DDX60L: variants seen among roughly 807,000 people sequenced by gnomAD.
The protein encoded by DDX60L is probable ATP-dependent RNA helicase DDX60-like.
A neutral mutation model predicts 211.6 loss-of-function variants in DDX60L; 191 were observed. The ratio of observed to expected loss-of-function variants is 0.90; its 90% CI spans 0.80 to 1.02. DDX60L has a LOEUF of 1.02. Among genes scored for constraint, DDX60L ranks in the 50% least tolerant of loss-of-function variants. DDX60L has a pLI of 0.00. For synonymous variants in DDX60L, 706 were observed against 694.1 expected (o/e 1.02, Z -0.27); for missense variants, 2,007 against 1,984.1 (o/e 1.01, Z -0.22).
chr4:168,448,276 A>G (rs1398388058), intron 9 of DDX60L, among the ~76,000 whole-genome samples: 1 of 152,200 alleles, frequency 6.6e-6, no homozygotes, highest in Non-Finnish European at 1.5e-5. Context: ...GAAGGCAAAA[A>G]TTATGTATGT....
In DDX60L at chr4:168,419,348, T is replaced by C. The variant is rs772603009; in HGVS notation, c.2564A>G (p.His855Arg). 9.1e-5 allele frequency: 145 copies of C among 1,599,346 alleles called. No individual in the cohort carries two copies. Among genetic ancestry groups the C allele is most frequent in the Non-Finnish European group, 1.2e-4 (137 of 1,172,000 alleles). The stretch of plus-strand genomic sequence containing the variant: ...GATCCTTTCCACCCATTTTTGGCGA[T>C]GAGGAGCAAGCAACAGGATTTCAAA... ...ECFEILLLAP[H>R]RQKWVERIRY... The change falls in exon 19 of 38, where the codon CAT becomes CGT. Residue 855 changes from histidine to arginine, a missense_variant. By Grantham distance (29) the His-to-Arg change is conservative. Transcript: ENST00000682922.
At position 168,373,674 on chromosome 4, in the gene DDX60L, T is replaced by C. The variant is rs571882608; in HGVS notation, c.4768A>G (p.Ile1590Val). 2.2e-5 allele frequency: 36 copies of C among 1,613,550 alleles called. No homozygotes were observed. In the South Asian group the frequency reaches 3.0e-4, roughly 13 times the overall value. The change falls in exon 35 of 38, where the codon ATC becomes GTC. Residue 1590 changes from isoleucine (I) to valine (V), a missense_variant. Coordinates refer to ENST00000682922, the MANE Select transcript of DDX60L (RefSeq NM_001012967.3). ...TDNDLLRPET[I>V]NQVILRTVGV... ...ATGTATCCTTCACTTACCTGGTTGA[T>C]AGTCTCTGGTCGAAGCAAATCATTA...
At chr4:168,430,785 C>T in intron 12 of DDX60L, 147 bp from the exon 13 acceptor site, 1 of 582,620 alleles carries the variant, frequency 1.7e-6, no homozygotes, top group Non-Finnish European at 2.7e-6. Context: ...AAAATAATTC[C>T]CTATATTATT....
chr4:168,395,862 T>C (rs1745671130), intron 27 of DDX60L, 97 bp downstream of exon 27: 1 of 831,940 alleles, frequency 1.2e-6, no homozygotes, highest in African/African-American at 1.7e-5. Context: ...ATTTCAAAGG[T>C]ATTACACAAG....
At chr4:168,398,019 C>T (rs13141502) in intron 26 of DDX60L, among the ~76,000 whole-genome samples, 52,143 of 151,986 alleles carry the variant, frequency 0.34, 10,987 homozygotes, top group East Asian at 0.58. Flanking sequence ...CGGGCCTCCC[C>T]GTGCACTTGG....
intron 19 of DDX60L, among the ~76,000 whole-genome samples, chr4:168,417,682 T>C (rs1366411414): frequency 1.3e-5 from 2 of 152,230 alleles, no homozygotes; most frequent in African/African-American, 4.8e-5. Context: ...TACTGGCATA[T>C]CAGGGAGAAA....
intron 7 of DDX60L, among the ~76,000 whole-genome samples, chr4:168,454,854 T>A (rs974537386): frequency 6.7e-6 from 1 of 148,886 alleles, no homozygotes; most frequent in East Asian, 2.0e-4. Context: ...GGGAGTTTGG[T>A]TCCAGAAATC....
chr4:168,420,680 GAT>G (rs1750451939), intron 17 of DDX60L, among the ~76,000 whole-genome samples: 1 of 119,268 alleles, frequency 8.4e-6, no homozygotes, highest in Non-Finnish European at 1.8e-5. Context: ...TAGATAGATA[GAT>G]AGACAGACAG....
chr4:168,431,329 G>A (rs1052718880), intron 12 of DDX60L, among the ~76,000 whole-genome samples: 1 of 152,028 alleles, frequency 6.6e-6, no homozygotes, highest in East Asian at 1.9e-4. Context: ...TGTTGTTTTG[G>A]ATGTTGTTGC....
intron 17 of DDX60L, 83 bp from the exon 18 acceptor site, chr4:168,420,463 TACACACACACACACAC>T (rs10598232): frequency 8.9e-5 from 41 of 459,518 alleles, no homozygotes; most frequent in Middle Eastern, 9.5e-4. Context: ...TCCATACACA[TACACACACACACACAC>T]ACACACACAC....
At chr4:168,360,650 C>T (rs1453753779) in intron 37 of DDX60L, among the ~76,000 whole-genome samples, 1 of 152,158 alleles carries the variant, frequency 6.6e-6, no homozygotes, top group Non-Finnish European at 1.5e-5. Flanking sequence ...ACATAGAGTT[C>T]ATATTTGCTT....
intron 10 of DDX60L, among the ~76,000 whole-genome samples, chr4:168,434,711 G>A (rs1752808148): frequency 6.6e-6 from 1 of 152,128 alleles, no homozygotes; most frequent in Non-Finnish European, 1.5e-5. Context: ...TGGTCATAGT[G>A]TTCCTAGAAA....
intron 5 of DDX60L, among the ~76,000 whole-genome samples, chr4:168,459,814 A>AGGAAGGAAGGAAGGAAGGAAGGAC: frequency 7.7e-6 from 1 of 130,200 alleles, no homozygotes; most frequent in South Asian, 2.9e-4. Context: ...GAAGGAAGGA[A>AGGAAGGAAGGAAGGAAGGAAGGAC]GGAGGGAAGG....
chr4:168,390,889 A>G (rs1744690577), intron 29 of DDX60L, among the ~76,000 whole-genome samples: 1 of 151,878 alleles, frequency 6.6e-6, no homozygotes, highest in Admixed American at 6.6e-5. Flanking sequence ...TTTATCCTTG[A>G]TTTTTAAAAA....
chr4:168,418,794 T>C (rs1749998259), intron 19 of DDX60L, among the ~76,000 whole-genome samples: 1 of 152,232 alleles, frequency 6.6e-6, no homozygotes, highest in African/African-American at 2.4e-5. Flanking sequence ...ACCTTGGGAA[T>C]TGGCTCACCC....
intron 5 of DDX60L, 61 bp downstream of exon 5, chr4:168,461,638 T>C (rs1296726061): frequency 2.4e-5 from 28 of 1,150,498 alleles, no homozygotes; most frequent in Non-Finnish European, 3.1e-5. Flanking sequence ...AATATTGAGT[T>C]AGTGATTTTG....
intron 36 of DDX60L, among the ~76,000 whole-genome samples, chr4:168,362,709 A>G (rs1371600117): frequency 2.6e-5 from 4 of 152,234 alleles, no homozygotes; most frequent in African/African-American, 9.6e-5. Flanking sequence ...CTTTAGCAAC[A>G]GACTAGATCA....
intron 4 of DDX60L, among the ~76,000 whole-genome samples, chr4:168,464,640 GATCAA>G (rs1757743510): frequency 6.6e-6 from 1 of 151,964 alleles, no homozygotes; most frequent in South Asian, 2.1e-4. Context: ...AATGCATAAT[GATCAA>G]ATCAGAGTAA....
chr4:168,420,008 A>C lies in DDX60L; in HGVS notation c.2514+253T>G, dbSNP rs962265798. ...TCAAATCTACTTGACTCCCTCTCTA[A>C]GTTATAATGAAATATCATAACTTTC... On this transcript the variant is annotated intron_variant, in intron 18 of 37. Coordinates refer to ENST00000682922, the MANE Select transcript of DDX60L (RefSeq NM_001012967.3). Among the ~76,000 whole-genome samples the C allele has an allele frequency of 1.3e-5, 2 of 152,210 alleles. 1 individual carries two copies. Among genetic ancestry groups the C allele is most frequent in the Non-Finnish European group, 2.9e-5 (2 of 68,028 alleles).
Sources: allele counts gnomAD v4.1 joint callset (sites outside exome capture counted in the v4.1 genomes callset), GRCh38; gene constraint gnomAD v4.1.1; transcripts MANE v1.5; gene names NCBI Gene and HGNC (gene_info 2026-07-23, HGNC 2026-07-21).